URB1: variants seen among roughly 807,000 people sequenced by gnomAD.
The protein encoded by URB1 is nucleolar pre-ribosomal-associated protein 1.
Under a neutral mutation model 242.3 loss-of-function variants are expected in URB1, and 197 were observed. The observed-to-expected ratio is 0.81, with a 90% CI of 0.72 to 0.91. The LOEUF (loss-of-function observed/expected upper bound fraction) is 0.91, where lower values mean the gene tolerates loss of function less well. Ranked by LOEUF, URB1 falls within the 40% of genes least tolerant of loss-of-function variation. The pLI is 0.00. For synonymous variants in URB1, 1,153 were observed against 1,201.8 expected, an observed-to-expected ratio of 0.96 and a Z score of 0.84; for missense variants, 2,721 against 2,860.5, an observed-to-expected ratio of 0.95 and a Z score of 1.11.
chr21:32,328,195 T>G lies in URB1; in HGVS notation c.4961-2806A>C, dbSNP rs181184439. ...CTTTGTCGCCCAGGCTGGAGTGCAG[T>G]GGCACAATCTTGGCTCACTGTAACC... On this transcript the variant is annotated intron_variant, in intron 30 of 38. Transcript: ENST00000382751. Among the ~76,000 whole-genome samples, 63 of 152,364 alleles carry G rather than the reference T, an allele frequency of 4.1e-4. 1 individual carries two copies. The highest frequency in any genetic ancestry group is 3.4e-3 in the Middle Eastern group (1 of 292).
At chr21:32,355,618 C>A in intron 15 of URB1, 53 bp from the exon 16 acceptor site, 1 of 1,434,018 alleles carries the variant, frequency 7.0e-7, no homozygotes, top group Non-Finnish European at 9.6e-7. Flanking sequence ...CGCTTTCTTT[C>A]TTTTCTTTGA....
rs1271804914 is a variant in URB1 at position 32,385,638 on chromosome 21, ATCT to A, written c.186_188del (p.Glu62del). Reference sequence around the variant, plus strand: ...TATACCCTTCCACAACATCATACACATCTTCTCGTGGTAGCTTCTTGGCAGCAG... The same window carrying A: ...TATACCCTTCCACAACATCATACACATCTCGTGGTAGCTTCTTGGCAGCAG... On this transcript the variant is annotated inframe_deletion, in exon 2 of 39. Transcript: ENST00000382751. 2 of 1,551,338 alleles carry A rather than the reference ATCT, an allele frequency of 1.3e-6. No individual in the cohort carries two copies. Among genetic ancestry groups the A allele is most frequent in the Non-Finnish European group, 1.7e-6 (2 of 1,146,932 alleles).
intron 21 of URB1, 46 bp downstream of exon 21, chr21:32,349,258 T>A: frequency 6.9e-7 from 1 of 1,455,396 alleles, no homozygotes; most frequent in Non-Finnish European, 9.1e-7. Context: ...AGAAAGCCAC[T>A]GCCCATGACT....
chr21:32,384,718 A>T (rs2033562703), intron 2 of URB1, among the ~76,000 whole-genome samples: 1 of 152,104 alleles, frequency 6.6e-6, no homozygotes, highest in South Asian at 2.1e-4. Context: ...GTGGTGGCTC[A>T]CGCCTGTAAT....
At chr21:32,322,295 G>A (rs553982129) in intron 33 of URB1, among the ~76,000 whole-genome samples, 183 bp downstream of exon 33, 22 of 152,186 alleles carry the variant, frequency 1.4e-4, no homozygotes, top group Admixed American at 1.3e-4. Flanking sequence ...GGTTTGAGGC[G>A]CCATGTAGAA....
intron 25 of URB1, among the ~76,000 whole-genome samples, chr21:32,339,458 G>A (rs562633296): frequency 6.6e-6 from 1 of 151,746 alleles, no homozygotes; most frequent in South Asian, 2.1e-4. Context: ...CTCAAAACAA[G>A]GGAGGGATGC....
rs1326601594 is a variant in URB1 at position 32,373,720 on chromosome 21, C to T, written c.803G>A (p.Gly268Glu). ...CGATGCTATGTGGTTCAATAACTGCCCCGTAAAGAAACGCACCTTCTGGGT... is the reference window on the plus strand; with the variant it reads ...CGATGCTATGTGGTTCAATAACTGCTCCGTAAAGAAACGCACCTTCTGGGT... ...TKTQKVRFFT[G>E]QLLNHIASLY... Residue 268 changes from glycine (G) to glutamate (E), a missense_variant, in exon 7 of 39, where the codon GGG (glycine) becomes GAG (glutamate). Coordinates refer to ENST00000382751, the MANE Select transcript of URB1 (RefSeq NM_014825.3). 2 of 1,548,676 alleles carry T rather than the reference C, an allele frequency of 1.3e-6. No homozygotes were observed. The highest frequency in any genetic ancestry group is 1.2e-5 in the South Asian group (1 of 83,440).
rs2033073109 is a variant in URB1, at chr21:32,345,268, T to A, written c.4070+106A>T. 2.4e-6 allele frequency: 3 copies of A among 1,236,990 alleles called. No individual in the cohort carries two copies. In the African/African-American group the frequency reaches 4.5e-5, roughly 19 times the overall value. 76.6% of individuals were successfully genotyped at this position (1,236,990 alleles called of 1,614,324 possible). ...CTCATAGGAACTGCCTGATCACAGA[T>A]GGGGCACAACAGTAATGCAGCAGTT... is the stretch of plus-strand genomic sequence containing the variant. On this transcript the variant is annotated intron_variant, in intron 23 of 38. Transcript: ENST00000382751.
chr21:32,382,714 G>C (rs890793168), intron 4 of URB1, among the ~76,000 whole-genome samples: 1 of 152,058 alleles, frequency 6.6e-6, no homozygotes, highest in Non-Finnish European at 1.5e-5. Context: ...AGCTGATATG[G>C]CAACCAGAAG....
Position 32,368,493 on chromosome 21 carries a change from G to C in URB1, c.1107C>G (p.Asp369Glu). 1 of 1,551,864 alleles carries C rather than the reference G, an allele frequency of 6.4e-7. No homozygotes were observed. Among genetic ancestry groups the C allele is most frequent in the Non-Finnish European group, 8.7e-7 (1 of 1,147,050 alleles). Residue 369 changes from aspartate (D) to glutamate (E), a missense_variant, in exon 9 of 39, where the codon GAC (aspartate) becomes GAG (glutamate). Physicochemically the swap from Asp to Glu is conservative, Grantham distance 45. Transcript: ENST00000382751. ...CTTCCTTGAAGTATTTGTTCAGTAAGTCCGGGCACACTTTGAGGATGTTTA... is the reference window on the plus strand; with the variant it reads ...CTTCCTTGAAGTATTTGTTCAGTAACTCCGGGCACACTTTGAGGATGTTTA... ...LVVNILKVCP[D>E]LLNKYFKEVT...
chr21:32,320,591 G>A lies in URB1; in HGVS notation c.5534C>T (p.Ala1845Val), dbSNP rs571515712. ...LQNAAQVARS[A>V]YEIIRDYSLL... ...GCTATAGTCTCGTATGATTTCATACGCAGATCTGGCAACCTGGGCAGCATT... is the reference window on the plus strand; with the variant it reads ...GCTATAGTCTCGTATGATTTCATACACAGATCTGGCAACCTGGGCAGCATT... Residue 1845 changes from alanine (A) to valine (V), a missense_variant, in exon 35 of 39, where the codon GCG becomes GTG. Transcript: ENST00000382751. 27 of 1,551,856 alleles carry A rather than the reference G, an allele frequency of 1.7e-5. 1 individual carries two copies. The Middle Eastern group carries it at 5.0e-4, about 29-fold the overall frequency.
intron 1 of URB1, among the ~76,000 whole-genome samples, chr21:32,386,279 G>C (rs967609165): frequency 1.2e-4 from 19 of 152,138 alleles, no homozygotes; most frequent in South Asian, 2.1e-4. Flanking sequence ...AACAGGACTG[G>C]TGTCCTTAGA....
chr21:32,364,657 A>G (rs573246623), intron 10 of URB1, among the ~76,000 whole-genome samples: 6 of 152,262 alleles, frequency 3.9e-5, no homozygotes, highest in Non-Finnish European at 8.8e-5. Context: ...CTGGGAGCAC[A>G]AAGCTCAACC....
At chr21:32,368,347 C>A (rs1184317088) in intron 9 of URB1, 56 bp downstream of exon 9, 13 of 1,456,596 alleles carry the variant, frequency 8.9e-6, no homozygotes, top group African/African-American at 1.4e-5. Context: ...GGATTACAGG[C>A]ATGAGCCACC....
intron 6 of URB1, among the ~76,000 whole-genome samples, chr21:32,374,801 A>G (rs1175380124): frequency 6.6e-6 from 1 of 152,216 alleles, no homozygotes; most frequent in Non-Finnish European, 1.5e-5. Flanking sequence ...AGAGATTGAC[A>G]AATGTCCCGT....
intron 15 of URB1, among the ~76,000 whole-genome samples, chr21:32,356,565 A>T (rs887335620): frequency 6.6e-6 from 1 of 152,098 alleles, no homozygotes; most frequent in Admixed American, 6.6e-5. Context: ...CAGCTACTCA[A>T]CCCTTAGCCT....
rs972930534 is a variant in URB1 at position 32,353,869 on chromosome 21, C to A, written c.2416+64G>T. On this transcript the variant is annotated intron_variant, in intron 18 of 38. Transcript: ENST00000382751. ...TGATCCCAGAGCCCCTGGAATCCCA[C>A]CTCCCACCCTGCACAGACTAGCCGG... 7 of 1,489,846 alleles carry A rather than the reference C, an allele frequency of 4.7e-6. No individual in the cohort carries two copies. The African/African-American group carries it at 8.4e-5, about 18-fold the overall frequency. 92.3% of individuals were successfully genotyped at this position (1,489,846 alleles called of 1,614,324 possible).
At chr21:32,325,520 T>C in intron 30 of URB1, 131 bp from the exon 31 acceptor site, 1 of 1,205,516 alleles carries the variant, frequency 8.3e-7, no homozygotes, top group Non-Finnish European at 1.1e-6. Flanking sequence ...TGCAAGTCTC[T>C]CTCCAACTCC....
chr21:32,337,425 C>A lies in URB1; in HGVS notation c.4600G>T (p.Gly1534Cys). 6.4e-7 allele frequency: 1 copy of A among 1,551,682 alleles called. No homozygotes were observed. Among genetic ancestry groups the A allele is most frequent in the Middle Eastern group, 1.7e-4 (1 of 5,990 alleles). ...TCACCTAGGACGCTGAGAGTGGCGC[C>A]ATAGGCCCCGAGAAGCACTGCAAAG... is the stretch of plus-strand genomic sequence containing the variant. ...SHFAVLLGAYGATLSVLDQKI... is the reference protein window; with the variant it reads ...SHFAVLLGAYCATLSVLDQKI... Residue 1534 changes from glycine (G) to cysteine (C), a missense_variant, in exon 27 of 39, where the codon GGC (glycine) becomes TGC (cysteine). Gly to Cys is a radical substitution (Grantham distance 159). Transcript: ENST00000382751.
Sources: gnomAD v4.1 joint callset for allele counts (sites outside exome capture counted in the v4.1 genomes callset) on GRCh38, gnomAD v4.1.1 for gene constraint, MANE v1.5 for transcripts, NCBI Gene and HGNC (gene_info 2026-07-23, HGNC 2026-07-21) for gene names.